PCDH15: variants seen among roughly 807,000 people sequenced by gnomAD.
The protein encoded by PCDH15 is protocadherin related 15, also known as protocadherin-15.
PCDH15 carries 129 observed loss-of-function variants against 178.5 expected under a neutral mutation model. The observed-to-expected ratio is 0.72, with a 90% CI of 0.63 to 0.84. PCDH15 has a LOEUF of 0.84. Among genes scored for constraint, PCDH15 ranks in the 40% least tolerant of loss-of-function variants. The probability of loss-of-function intolerance (pLI) is 0.00; values close to 1 mark genes in which losing one functional copy is unlikely to be tolerated. For missense variants in PCDH15, 2,230 were observed against 2,099.9 expected (o/e 1.06, Z -1.21); for synonymous variants, 800 against 732.0 (o/e 1.09, Z -1.50).
intron 2 of PCDH15, among the ~76,000 whole-genome samples, chr10:55,351,805 T>C (rs927804002): frequency 6.6e-6 from 1 of 152,196 alleles, no homozygotes; most frequent in Admixed American, 6.6e-5. Context: ...CTTTCATATG[T>C]AATTTAATCT....
At chr10:55,514,585 G>A (rs1429841929) in intron 2 of PCDH15, among the ~76,000 whole-genome samples, 3 of 152,236 alleles carry the variant, frequency 2.0e-5, no homozygotes, top group South Asian at 2.1e-4. Context: ...CATAAAAAGC[G>A]TAATCAAATG....
chr10:54,226,301 T>G (rs6481074), intron 9 of PCDH15, among the ~76,000 whole-genome samples: 8,310 of 152,224 alleles, frequency 0.055, 564 homozygotes, highest in African/African-American at 0.17. Flanking sequence ...AAAACCATCA[T>G]ATCTCGTGAG....
At chr10:55,313,031 A>C (rs1843628681) in intron 1 of PCDH15, among the ~76,000 whole-genome samples, 1 of 152,190 alleles carries the variant, frequency 6.6e-6, no homozygotes, top group Non-Finnish European at 1.5e-5. Flanking sequence ...ACTATTTGTG[A>C]ACTAAAAATA....
At chr10:54,069,495 A>G (rs2094199369) in intron 17 of PCDH15, among the ~76,000 whole-genome samples, 1 of 152,296 alleles carries the variant, frequency 6.6e-6, no homozygotes, top group East Asian at 1.9e-4. Context: ...TTTATATGAC[A>G]TGAAAAAAAT....
upstream of PCDH15, among the ~76,000 whole-genome samples, chr10:54,802,860 T>C (rs1591709360): frequency 1.3e-5 from 2 of 152,328 alleles, no homozygotes; most frequent in Non-Finnish European, 2.9e-5. Context: ...GAAATATAGC[T>C]AGAAAACAGA....
At chr10:54,973,519 T>C (rs2131896265) in intron 2 of PCDH15, among the ~76,000 whole-genome samples, 1 of 152,354 alleles carries the variant, frequency 6.6e-6, no homozygotes, top group Non-Finnish European at 1.5e-5. Context: ...TCTTTATTTT[T>C]GCTCCCACTT....
At chr10:55,389,321 G>A (rs987197999) in intron 2 of PCDH15, among the ~76,000 whole-genome samples, 2 of 151,954 alleles carry the variant, frequency 1.3e-5, no homozygotes, top group African/African-American at 4.8e-5. Context: ...ACAAGCCAGT[G>A]AACACTACAG....
chr10:54,195,494 T>C (rs1372372370), intron 11 of PCDH15, among the ~76,000 whole-genome samples, 189 bp downstream of exon 11: 1 of 152,216 alleles, frequency 6.6e-6, no homozygotes, highest in African/African-American at 2.4e-5. Flanking sequence ...TGAAAAGGAA[T>C]AGTTATTGAA....
chr10:55,541,031 C>T (rs1282949216), intron 2 of PCDH15, among the ~76,000 whole-genome samples: 2 of 151,822 alleles, frequency 1.3e-5, no homozygotes, highest in East Asian at 1.9e-4. Flanking sequence ...ATTTGTATGC[C>T]GACATAGGAT....
chr10:54,756,453 T>C (rs1255610664), intron 1 of PCDH15, among the ~76,000 whole-genome samples: 2 of 152,120 alleles, frequency 1.3e-5, no homozygotes, highest in Non-Finnish European at 2.9e-5. Context: ...TTTGGCTCTC[T>C]GCTCAAATTA....
rs141360375 is a variant in PCDH15 at position 55,310,089 on chromosome 10, T to G, written c.-156+9510A>C. On this transcript the variant is annotated intron_variant, in intron 1 of 5. Coordinates refer to the PCDH15 transcript ENST00000458638. Reference sequence around the variant, plus strand: ...TTTGGAGCTTACACTAAATATCTTCTAGGAGAACTTAAACCCATATCAAGC... The same window carrying G: ...TTTGGAGCTTACACTAAATATCTTCGAGGAGAACTTAAACCCATATCAAGC... Among the ~76,000 whole-genome samples, 3 of 152,290 alleles carry G rather than the reference T, an allele frequency of 2.0e-5. No individual in the cohort carries two copies. In the East Asian group the frequency reaches 5.8e-4, roughly 29 times the overall value.
Position 54,317,217 on chromosome 10 carries a change from C to T in PCDH15, c.876+54G>A. ...TGTCTACAAAATACTTGAACATGATCCCATTGGGTTTTAAAACATGCAAAT... is the reference window on the plus strand; with the variant it reads ...TGTCTACAAAATACTTGAACATGATTCCATTGGGTTTTAAAACATGCAAAT... On this transcript the variant is annotated intron_variant, in intron 8 of 37. Coordinates refer to ENST00000644397, the MANE Select transcript of PCDH15 (RefSeq NM_001384140.1). The T allele has an allele frequency of 7.1e-6, 11 of 1,554,716 alleles. No individual in the cohort carries two copies. In the South Asian group the frequency reaches 1.2e-4, roughly 17 times the overall value.
chr10:55,621,141 T>C (rs1343063049), intron 2 of PCDH15, among the ~76,000 whole-genome samples: 4 of 152,090 alleles, frequency 2.6e-5, no homozygotes, highest in Non-Finnish European at 5.9e-5. Context: ...TATTGGAATC[T>C]AGGAGAATGT....
intron 2 of PCDH15, among the ~76,000 whole-genome samples, chr10:55,104,105 G>T (rs149862588): frequency 1.3e-5 from 2 of 151,702 alleles, no homozygotes; most frequent in African/African-American, 4.8e-5. Context: ...AAACAATTTC[G>T]TTTGCATAAA....
chr10:53,885,069 T>G (rs2080994189), intron 26 of PCDH15, among the ~76,000 whole-genome samples: 1 of 152,176 alleles, frequency 6.6e-6, no homozygotes, highest in Admixed American at 6.5e-5. Flanking sequence ...TTTCTGCCAT[T>G]CAGAACTTTC....
At chr10:54,550,534 C>T (rs2133167473) in intron 2 of PCDH15, among the ~76,000 whole-genome samples, 1 of 151,742 alleles carries the variant, frequency 6.6e-6, no homozygotes, top group South Asian at 2.1e-4. Context: ...CACACATATA[C>T]AATGTTTGTT....
intron 15 of PCDH15, among the ~76,000 whole-genome samples, chr10:54,096,074 C>T (rs1453938211): frequency 6.6e-6 from 1 of 152,098 alleles, no homozygotes; most frequent in Non-Finnish European, 1.5e-5. Flanking sequence ...ATAATAAAAT[C>T]TTAAGCTTAA....
chr10:53,900,436 C>G (rs1327176668), intron 26 of PCDH15, among the ~76,000 whole-genome samples: 2 of 152,114 alleles, frequency 1.3e-5, no homozygotes, highest in African/African-American at 4.8e-5. Flanking sequence ...CTGTATACTT[C>G]ATCTGAAGAA....
chr10:54,947,683 A>C (rs1193223630), intron 2 of PCDH15, among the ~76,000 whole-genome samples: 1 of 151,934 alleles, frequency 6.6e-6, no homozygotes, highest in East Asian at 1.9e-4. Context: ...AATGAAACTC[A>C]GCTTTCTTTC....
Sources: allele counts gnomAD v4.1 joint callset (sites outside exome capture counted in the v4.1 genomes callset), GRCh38; gene constraint gnomAD v4.1.1; transcripts MANE v1.5; gene names NCBI Gene and HGNC (gene_info 2026-07-23, HGNC 2026-07-21).